The following TASP1 variants were observed in gnomAD, a reference collection of about 807,000 sequenced individuals.
TASP1 encodes the protein taspase 1.
A neutral mutation model predicts 56.6 loss-of-function variants in TASP1; 16 were observed. The ratio of observed to expected loss-of-function variants is 0.28; its 90% CI spans 0.19 to 0.43. The LOEUF (loss-of-function observed/expected upper bound fraction) is 0.43, where lower values mean the gene tolerates loss of function less well. TASP1 is among the 20% of genes least tolerant of loss of function. The pLI is 1.00. For synonymous variants in TASP1, 179 were observed against 184.2 expected (o/e 0.97, Z 0.23); for missense variants, 393 against 511.6 (o/e 0.77, Z 2.24).
the TASP1 span, among the ~76,000 whole-genome samples, chr20:13,244,938 A>G: frequency 6.6e-6 from 1 of 152,190 alleles, no homozygotes; most frequent in East Asian, 1.9e-4. Flanking sequence ...TCTTTAATCA[A>G]CCTTGGAAAC....
the TASP1 span, among the ~76,000 whole-genome samples, chr20:13,148,257 TG>T: frequency 2.0e-5 from 3 of 152,230 alleles, no homozygotes; most frequent in Non-Finnish European, 4.4e-5. Flanking sequence ...CTGACCCAGC[TG>T]GTTTTGTTTT....
At chr20:13,332,423 C>A in the TASP1 span, among the ~76,000 whole-genome samples, 5 of 152,130 alleles carry the variant, frequency 3.3e-5, no homozygotes, top group Non-Finnish European at 2.9e-5. Context: ...ATTTTAAGTT[C>A]TTAGCATGAA....
chr20:13,225,150 G>A, the TASP1 span, among the ~76,000 whole-genome samples: 1 of 152,156 alleles, frequency 6.6e-6, no homozygotes, highest in Non-Finnish European at 1.5e-5. Context: ...ACCGCGCCCG[G>A]CCCATACTAG....
the TASP1 span, among the ~76,000 whole-genome samples, chr20:13,383,719 G>A: frequency 5.9e-5 from 9 of 152,170 alleles, no homozygotes; most frequent in Admixed American, 3.3e-4. Flanking sequence ...ATCCCAGCTC[G>A]GCCTATCTCC....
intron 4 of TASP1, among the ~76,000 whole-genome samples, chr20:13,612,294 C>T (rs1049793159): frequency 2.0e-5 from 3 of 152,048 alleles, no homozygotes; most frequent in African/African-American, 7.2e-5. Context: ...TTCTCCAAAA[C>T]GAGTCAGATG....
At chr20:13,466,012 A>T (rs1193394663) in intron 11 of TASP1, among the ~76,000 whole-genome samples, 1 of 152,152 alleles carries the variant, frequency 6.6e-6, no homozygotes, top group Non-Finnish European at 1.5e-5. Context: ...ACTACAAGTA[A>T]AGCTGGGGAA....
At chr20:13,163,367 CAA>C in the TASP1 span, among the ~76,000 whole-genome samples, 1,601 of 90,034 alleles carry the variant, frequency 0.018, 13 homozygotes, top group African/African-American at 0.02. Context: ...GACGCTGTCT[CAA>C]AAAAAAAAAA....
chr20:13,524,068 G>C (rs1202588541), intron 10 of TASP1, among the ~76,000 whole-genome samples: 1 of 151,974 alleles, frequency 6.6e-6, no homozygotes, highest in African/African-American at 2.4e-5. Context: ...AGGATCACTT[G>C]AGCCCAGGAG....
chr20:13,632,737 G>C (rs895738285), intron 1 of TASP1, among the ~76,000 whole-genome samples: 1 of 152,106 alleles, frequency 6.6e-6, no homozygotes, highest in African/African-American at 2.4e-5. Context: ...TTTTTATTCA[G>C]TTAGAAATGA....
chr20:13,395,653 T>C (rs2041501621), intron 13 of TASP1, among the ~76,000 whole-genome samples: 1 of 152,046 alleles, frequency 6.6e-6, no homozygotes, highest in African/African-American at 2.4e-5. Context: ...CCTTGCATTG[T>C]GAATTCTTGC....
At chr20:13,139,313 T>C in the TASP1 span, among the ~76,000 whole-genome samples, 1 of 152,224 alleles carries the variant, frequency 6.6e-6, no homozygotes, top group Admixed American at 6.5e-5. Context: ...TCCTTCTTTG[T>C]GGGGTTGGTA....
At chr20:13,401,956 A>G (rs1215938288) in intron 13 of TASP1, among the ~76,000 whole-genome samples, 3 of 152,206 alleles carry the variant, frequency 2.0e-5, no homozygotes, top group African/African-American at 7.2e-5. Context: ...ACGTATGTGG[A>G]GATAGAGAAA....
chr20:13,243,924 T>A, the TASP1 span: 1 of 152,210 alleles, frequency 6.6e-6, no homozygotes, highest in African/African-American at 2.4e-5. Context: ...TGTTTCTCAA[T>A]TTTCCACATA....
chr20:13,128,703 A>G, the TASP1 span, among the ~76,000 whole-genome samples: 4 of 151,428 alleles, frequency 2.6e-5, no homozygotes, highest in Non-Finnish European at 4.4e-5. Context: ...GGTTTTTTTA[A>G]AATTTGAGAC....
At chr20:13,285,739 C>T in the TASP1 span, among the ~76,000 whole-genome samples, 2 of 152,146 alleles carry the variant, frequency 1.3e-5, no homozygotes, top group African/African-American at 2.4e-5. Context: ...TTCACATAAT[C>T]GGACACAATA....
the TASP1 span, among the ~76,000 whole-genome samples, chr20:13,172,946 G>A: frequency 6.6e-6 from 1 of 152,204 alleles, no homozygotes; most frequent in Admixed American, 6.5e-5. Context: ...CCCACTGGGT[G>A]TCCCTGGTTG....
chr20:13,189,429 C>T, the TASP1 span, among the ~76,000 whole-genome samples: 2 of 151,964 alleles, frequency 1.3e-5, no homozygotes, highest in Non-Finnish European at 2.9e-5. Flanking sequence ...TAATATCCAG[C>T]ATCTATAAGG....
chr20:13,261,347 G>T, the TASP1 span, among the ~76,000 whole-genome samples: 3 of 151,988 alleles, frequency 2.0e-5, no homozygotes, highest in Admixed American at 1.3e-4. Context: ...GAACCCAGAA[G>T]GCAGAGGTTG....
chr20:13,253,493 A>G, the TASP1 span, among the ~76,000 whole-genome samples: 5 of 152,178 alleles, frequency 3.3e-5, no homozygotes, highest in Non-Finnish European at 4.4e-5. Context: ...AGTACCATTC[A>G]GAATGATAGC....
Sources: gnomAD v4.1 joint callset for allele counts (sites outside exome capture counted in the v4.1 genomes callset) on GRCh38, gnomAD v4.1.1 for gene constraint, MANE v1.5 for transcripts, NCBI Gene and HGNC (gene_info 2026-07-23, HGNC 2026-07-21) for gene names.